Variants in SLC6A2 observed in about 807,000 individuals in gnomAD.
SLC6A2 encodes the protein solute carrier family 6 member 2, also known as sodium-dependent noradrenaline transporter.
In SLC6A2, 26 loss-of-function variants were observed where a neutral mutation model predicts 71.7. That is an observed-to-expected ratio of 0.36 (90% CI 0.27 to 0.50). The LOEUF (loss-of-function observed/expected upper bound fraction) is 0.50. SLC6A2 is among the 20% of genes least tolerant of loss of function. SLC6A2 has a pLI of 0.96. For missense variants in SLC6A2, 581 were observed against 803.9 expected, an observed-to-expected ratio of 0.72 and a Z score of 3.35; for synonymous variants, 363 against 337.9, an observed-to-expected ratio of 1.07 and a Z score of -0.82.
At chr16:55,669,783 G>C in intron 3 of SLC6A2, 87 bp downstream of exon 3, 4 of 1,418,282 alleles carry the variant, frequency 2.8e-6, no homozygotes, top group Non-Finnish European at 4.0e-6. Context: ...TGAGATCTAA[G>C]GTAGACCTCC....
Position 55,702,411 on chromosome 16 carries a change from C to T in SLC6A2, c.*65C>T. On this transcript the variant is annotated 3_prime_UTR_variant, in exon 15 of 15. Coordinates refer to ENST00000568943, the MANE Select transcript of SLC6A2 (RefSeq NM_001172501.3). ...CCAGGTCACAGGCATCCGCTGCGCT[C>T]CCACCTCGGACACCATCTTGGGATT... 6 of 1,613,986 alleles carry T rather than the reference C, an allele frequency of 3.7e-6. No homozygotes were observed. Among genetic ancestry groups the T allele is most frequent in the Non-Finnish European group, 4.2e-6 (5 of 1,179,940 alleles).
intron 7 of SLC6A2, among the ~76,000 whole-genome samples, 154 bp from the exon 8 acceptor site, chr16:55,695,124 G>A (rs1472528355): frequency 6.6e-6 from 1 of 152,206 alleles, no homozygotes; most frequent in Admixed American, 6.5e-5. Context: ...ACCAGTGATG[G>A]TGAGGCCCTG....
chr16:55,698,707 T>C (rs948438518), intron 11 of SLC6A2, 139 bp downstream of exon 11: 8 of 717,990 alleles, frequency 1.1e-5, no homozygotes, highest in Non-Finnish European at 1.8e-5. Context: ...GGAACAAATC[T>C]CAATCCTCGG....
At chr16:55,669,772 G>A in intron 3 of SLC6A2, 76 bp downstream of exon 3, 1 of 1,530,702 alleles carries the variant, frequency 6.5e-7, no homozygotes, top group Non-Finnish European at 9.0e-7. Context: ...TGCTCCAGTG[G>A]TGAGATCTAA....
rs553401316 is a variant in SLC6A2 at position 55,687,374 on chromosome 16, G to T, written c.783+2093G>T. Among the ~76,000 whole-genome samples, 5 of 152,338 alleles carry T rather than the reference G, an allele frequency of 3.3e-5. No homozygotes were observed. The South Asian group carries it at 1.0e-3, about 32-fold the overall frequency. Reference sequence around the variant, plus strand: ...TTGTGGTCAAAAAGTGTGAGATGCTGCATTAGTGGAGAAAGGAAGCTCTTT... The same window carrying T: ...TTGTGGTCAAAAAGTGTGAGATGCTTCATTAGTGGAGAAAGGAAGCTCTTT... On this transcript the variant is annotated intron_variant, in intron 5 of 14. Coordinates refer to ENST00000568943, the MANE Select transcript of SLC6A2 (RefSeq NM_001172501.3).
At chr16:55,675,384 T>C (rs1965053782) in intron 4 of SLC6A2, among the ~76,000 whole-genome samples, 1 of 152,252 alleles carries the variant, frequency 6.6e-6, no homozygotes, top group African/African-American at 2.4e-5. Flanking sequence ...CCCAAACTTT[T>C]CTGCTTAAGA....
Position 55,702,696 on chromosome 16 carries a change from CT to C in SLC6A2, c.*352del. On this transcript the variant is annotated 3_prime_UTR_variant, in exon 15 of 15. Transcript: ENST00000568943. ...TGCCTAGACTTTGGGCACAGGAGTT[CT>C]TAGTCCACCAAATCAGAGAGAGGAT... 1 of 1,148,184 alleles carries C rather than the reference CT, an allele frequency of 8.7e-7. No homozygotes were observed. Among genetic ancestry groups the C allele is most frequent in the Admixed American group, 4.2e-5 (1 of 23,608 alleles). The allele number at this position is 1,148,184 out of a possible 1,614,324, so 71.1% of individuals were successfully genotyped here.
In SLC6A2 at chr16:55,691,833, C is replaced by G. The variant is rs1484783660; in HGVS notation, c.784-85C>G. The G allele has an allele frequency of 2.7e-6, 4 of 1,494,008 alleles. No individual in the cohort carries two copies. The East Asian group carries it at 9.1e-5, about 34-fold the overall frequency. The allele number at this position is 1,494,008 out of a possible 1,614,324, so 92.5% of individuals were successfully genotyped here. On this transcript the variant is annotated intron_variant, in intron 5 of 14. Transcript: ENST00000568943. Reference sequence around the variant, plus strand: ...AGGTGGGAAAGAGCATGACTGGCTCCCTGGGAAAGGGCTCTGTGCCCCACC... The same window carrying G: ...AGGTGGGAAAGAGCATGACTGGCTCGCTGGGAAAGGGCTCTGTGCCCCACC...
intron 4 of SLC6A2, among the ~76,000 whole-genome samples, chr16:55,683,315 A>G (rs1037469313): frequency 1.3e-5 from 2 of 152,214 alleles, no homozygotes; most frequent in South Asian, 2.1e-4. Context: ...TGTTTTTCTT[A>G]CTTATAAAAA....
At position 55,675,219 on chromosome 16, in the gene SLC6A2, T is replaced by G. The variant is rs1231397401; in HGVS notation, c.644+3044T>G. ...TGTTCACAATGTAGCATCCATTGTCTTCATCCCTCAGGCGTGGGTCAATTC... is the reference window on the plus strand; with the variant it reads ...TGTTCACAATGTAGCATCCATTGTCGTCATCCCTCAGGCGTGGGTCAATTC... On this transcript the variant is annotated intron_variant, in intron 4 of 14. Transcript: ENST00000568943. Among the ~76,000 whole-genome samples the G allele has an allele frequency of 2.0e-5, 3 of 152,158 alleles. No homozygotes were observed. In the East Asian group the frequency reaches 5.8e-4, roughly 29 times the overall value.
chr16:55,694,076 T>G lies in SLC6A2; in HGVS notation c.985T>G (p.Phe329Val), dbSNP rs1297916912. The change falls in exon 7 of 15, where the codon TTT (phenylalanine) becomes GTT (valine). Residue 329 changes from phenylalanine to valine, a missense_variant. Transcript: ENST00000568943. ...GGCTGGATTTGGAGTATTGATTGCA[T>G]TTGCCAGTTACAACAAATTTGACAA... ...LGAGFGVLIA[F>V]ASYNKFDNNC... 6.2e-7 allele frequency: 1 copy of G among 1,613,044 alleles called. No individual in the cohort carries two copies. Among genetic ancestry groups the G allele is most frequent in the Non-Finnish European group, 8.5e-7 (1 of 1,178,982 alleles).
rs777044365 is a variant in SLC6A2, at chr16:55,702,262, C to T, written c.1831-61C>T. The T allele has an allele frequency of 2.6e-6, 4 of 1,541,384 alleles. No individual in the cohort carries two copies. The African/African-American group carries it at 4.1e-5, about 16-fold the overall frequency. ...CTCTACCTCCTGCTGCCCCCGCCAG[C>T]TGGCCCTTGCTCCTTTCTGTCCCCA... On this transcript the variant is annotated intron_variant, in intron 14 of 14. Coordinates refer to ENST00000568943, the MANE Select transcript of SLC6A2 (RefSeq NM_001172501.3).
In SLC6A2 at chr16:55,698,175, G is replaced by C. The variant is rs952552901; in HGVS notation, c.1389+150G>C. On this transcript the variant is annotated intron_variant, in intron 10 of 14. Transcript: ENST00000568943. Reference sequence around the variant, plus strand: ...CAATTCAGCGGCCTGACCCACTAGGGTTAGGCCCAGTAGTCTTCTTCCATC... The same window carrying C: ...CAATTCAGCGGCCTGACCCACTAGGCTTAGGCCCAGTAGTCTTCTTCCATC... 5 of 834,264 alleles carry C rather than the reference G, an allele frequency of 6.0e-6. No individual in the cohort carries two copies. The Middle Eastern group carries it at 1.3e-3, about 213-fold the overall frequency. 51.7% of individuals were successfully genotyped at this position (834,264 alleles called of 1,614,324 possible).
Position 55,702,747 on chromosome 16 carries a change from C to CCCAAAA in SLC6A2, c.*401_*402insCCAAAA, listed in dbSNP as rs201774381. On this transcript the variant is annotated 3_prime_UTR_variant, in exon 15 of 15. Coordinates refer to ENST00000568943, the MANE Select transcript of SLC6A2 (RefSeq NM_001172501.3). Reference sequence around the variant, plus strand: ...TGGGCTTTTGATCAGATACCCCTCCCAAAAAAAAAAAAAACTAAAACTAAA... The same window carrying CCCAAAA: ...TGGGCTTTTGATCAGATACCCCTCCCCCAAAAAAAAAAAAAAAAAACTAAAACTAAA... The CCCAAAA allele has an allele frequency of 3.5e-5, 32 of 920,620 alleles. No homozygotes were observed. The African/African-American group carries it at 5.8e-4, about 17-fold the overall frequency. 57.0% of individuals were successfully genotyped at this position (920,620 alleles called of 1,614,324 possible). A position where few individuals can be genotyped will look rare whatever the true frequency, so the allele number is the denominator to read the frequency against.
At position 55,675,489 on chromosome 16, in the gene SLC6A2, G is replaced by C. The variant is rs1304202684; in HGVS notation, c.644+3314G>C. ...CCTCTGGAAAGTAAAACCATTCTTAGCTCACAGGTCGTACCTAAACAGTCC... is the reference window on the plus strand; with the variant it reads ...CCTCTGGAAAGTAAAACCATTCTTACCTCACAGGTCGTACCTAAACAGTCC... On this transcript the variant is annotated intron_variant, in intron 4 of 14. Transcript: ENST00000568943. Among the ~76,000 whole-genome samples, 3 of 152,148 alleles carry C rather than the reference G, an allele frequency of 2.0e-5. No homozygotes were observed. The East Asian group carries it at 5.8e-4, about 29-fold the overall frequency.
intron 2 of SLC6A2, among the ~76,000 whole-genome samples, chr16:55,665,512 A>G (rs1306147956): frequency 6.6e-6 from 1 of 152,082 alleles, no homozygotes; most frequent in African/African-American, 2.4e-5. Flanking sequence ...CTTCTTGCAT[A>G]TATCAAGGTG....
chr16:55,696,419 G>C, intron 9 of SLC6A2, 82 bp downstream of exon 9: 1 of 849,962 alleles, frequency 1.2e-6, no homozygotes, highest in Non-Finnish European at 2.1e-6. Context: ...TGGGCCTGAA[G>C]TTCCCACTAT....
chr16:55,699,860 C>T (rs534714090), intron 12 of SLC6A2, among the ~76,000 whole-genome samples: 1 of 152,086 alleles, frequency 6.6e-6, no homozygotes, highest in Non-Finnish European at 1.5e-5. Flanking sequence ...GGGGCCAGGT[C>T]CCCGGGGGCT....
Position 55,656,805 on chromosome 16 carries a change from G to A in SLC6A2, c.111G>A (p.Lys37=), listed in dbSNP as rs375150129. The A allele has an allele frequency of 8.5e-5, 137 of 1,613,290 alleles. No individual in the cohort carries two copies. Among genetic ancestry groups the A allele is most frequent in the Non-Finnish European group, 1.1e-4 (125 of 1,179,756 alleles). The part of the protein sequence containing the change: ...ARKTAELLVV[K]ERNGVQCLLA... Reference sequence around the variant, plus strand: ...AAACTGCGGAGCTGCTGGTGGTGAAGGAGCGCAACGGCGTCCAGTGCCTGC... The same window carrying A: ...AAACTGCGGAGCTGCTGGTGGTGAAAGAGCGCAACGGCGTCCAGTGCCTGC... The change falls in exon 2 of 15, where the codon AAG becomes AAA. Residue 37 remains lysine (K), a synonymous_variant. Coordinates refer to ENST00000568943, the MANE Select transcript of SLC6A2 (RefSeq NM_001172501.3). This position sits in a 1 kb window ranked among gnomAD's most constrained non-coding sequence, Gnocchi z 4.5.
Sources: allele counts gnomAD v4.1 joint callset (sites outside exome capture counted in the v4.1 genomes callset), GRCh38; gene constraint gnomAD v4.1.1; non-coding constraint Gnocchi (gnomAD v3.1); transcripts MANE v1.5; gene names NCBI Gene and HGNC (gene_info 2026-07-23, HGNC 2026-07-21).